The following TAS2R1 variants were observed in gnomAD, a reference collection of about 807,000 sequenced individuals.
TAS2R1 encodes the protein taste receptor type 2 member 1.
For missense variants in TAS2R1, 370 were observed against 353.4 expected (o/e 1.05, Z -0.38); for synonymous variants, 141 against 134.2 (o/e 1.05, Z -0.35).
chr5:9,850,198 G>C, the TAS2R1 span, among the ~76,000 whole-genome samples: 4 of 152,066 alleles, frequency 2.6e-5, no homozygotes, highest in Non-Finnish European at 5.9e-5. Flanking sequence ...GCACATCTCT[G>C]TGGCTTTGGT....
At chr5:9,804,576 C>A in the TAS2R1 span, among the ~76,000 whole-genome samples, 1 of 151,968 alleles carries the variant, frequency 6.6e-6, no homozygotes, top group African/African-American at 2.4e-5. Flanking sequence ...AAATTGGAAA[C>A]AAACTCCGAA....
At chr5:9,677,968 G>C (rs776142332) in intron 1 of TAS2R1, among the ~76,000 whole-genome samples, 9 of 152,164 alleles carry the variant, frequency 5.9e-5, no homozygotes, top group Non-Finnish European at 1.0e-4. Context: ...ATGGGCAGCT[G>C]AGGTGGGAAG....
chr5:9,823,880 A>C, the TAS2R1 span, among the ~76,000 whole-genome samples: 1 of 152,222 alleles, frequency 6.6e-6, no homozygotes, highest in Non-Finnish European at 1.5e-5. Flanking sequence ...CAAATGGTTC[A>C]AAGTGCCACT....
At chr5:9,701,001 A>T (rs1208900079) in intron 1 of TAS2R1, among the ~76,000 whole-genome samples, 1 of 152,142 alleles carries the variant, frequency 6.6e-6, no homozygotes. Context: ...TTTAGTTCAT[A>T]GCATAGAGAA....
chr5:9,775,174 C>G, the TAS2R1 span, among the ~76,000 whole-genome samples: 1 of 152,210 alleles, frequency 6.6e-6, no homozygotes, highest in Non-Finnish European at 1.5e-5. Flanking sequence ...CCTGCCCTCC[C>G]CTTTCTGCAC....
chr5:9,847,244 A>T, the TAS2R1 span, among the ~76,000 whole-genome samples: 1 of 152,232 alleles, frequency 6.6e-6, no homozygotes, highest in Non-Finnish European at 1.5e-5. Context: ...CCATAAGAAA[A>T]TGTTTGTACT....
chr5:9,883,674 CTT>C, the TAS2R1 span, among the ~76,000 whole-genome samples: 1 of 151,772 alleles, frequency 6.6e-6, no homozygotes, highest in African/African-American at 2.4e-5. Context: ...AAGCAGTGAG[CTT>C]TTTTATTTTT....
the TAS2R1 span, among the ~76,000 whole-genome samples, chr5:9,749,552 G>T: frequency 6.6e-6 from 1 of 152,170 alleles, no homozygotes; most frequent in East Asian, 1.9e-4. Context: ...TATAGGTTAG[G>T]CTGAGCCAGG....
the TAS2R1 span, among the ~76,000 whole-genome samples, chr5:9,891,111 T>C: frequency 2.6e-5 from 4 of 152,294 alleles, no homozygotes; most frequent in African/African-American, 7.2e-5. Context: ...AGAGTTTTGA[T>C]ACAGTATCAA....
the TAS2R1 span, among the ~76,000 whole-genome samples, chr5:9,846,061 G>A: frequency 6.6e-6 from 1 of 152,104 alleles, no homozygotes; most frequent in South Asian, 2.1e-4. Flanking sequence ...AGAAAACTGG[G>A]GCAATAAACT....
the TAS2R1 span, among the ~76,000 whole-genome samples, chr5:9,874,676 T>C: frequency 6.6e-6 from 1 of 152,206 alleles, no homozygotes; most frequent in Non-Finnish European, 1.5e-5. Flanking sequence ...ATCCCCGCGC[T>C]ACAGGTCTTT....
the TAS2R1 span, among the ~76,000 whole-genome samples, chr5:9,825,827 T>A: frequency 6.6e-6 from 1 of 152,232 alleles, no homozygotes; most frequent in Non-Finnish European, 1.5e-5. Context: ...TAATCCTATT[T>A]TTTTTGTATA....
At chr5:9,888,221 T>C in the TAS2R1 span, among the ~76,000 whole-genome samples, 1 of 152,068 alleles carries the variant, frequency 6.6e-6, no homozygotes, top group African/African-American at 2.4e-5. Context: ...CCTTCACTGC[T>C]CAGCCCTCTC....
the TAS2R1 span, among the ~76,000 whole-genome samples, chr5:9,880,557 A>G: frequency 6.6e-6 from 1 of 152,192 alleles, no homozygotes; most frequent in Non-Finnish European, 1.5e-5. Flanking sequence ...TGTCCTTCAC[A>G]TTTCTGAATG....
the TAS2R1 span, among the ~76,000 whole-genome samples, chr5:9,775,839 C>T: frequency 6.6e-6 from 1 of 152,190 alleles, no homozygotes; most frequent in Non-Finnish European, 1.5e-5. Context: ...CTTTACTCTC[C>T]CCTCTCCTCA....
At chr5:9,802,747 A>G in the TAS2R1 span, among the ~76,000 whole-genome samples, 2 of 152,010 alleles carry the variant, frequency 1.3e-5, no homozygotes, top group Non-Finnish European at 2.9e-5. Context: ...CTAAAAATAC[A>G]AAAAAATTAG....
At position 9,640,497 on chromosome 5, in the gene TAS2R1, T is replaced by TAAAAAAAAA. The variant is rs56140715; in HGVS notation, c.-80-10514_-80-10506dup. Among the ~76,000 whole-genome samples, 43 of 59,006 alleles carry TAAAAAAAAA rather than the reference T, an allele frequency of 7.3e-4. 1 individual carries two copies. Among genetic ancestry groups the TAAAAAAAAA allele is most frequent in the African/African-American group, 2.5e-3 (30 of 12,086 alleles). The allele number at this position is 59,006 out of a possible 152,430, so 38.7% of individuals were successfully genotyped here. On this transcript the variant is annotated intron_variant, in intron 2 of 2. Transcript: ENST00000506620. ...GAATTGCCACAAACCTTCAATTCCT[T>TAAAAAAAAA]AAAAAAAAAAAAAAAAAAAAAAAAA...
At chr5:9,841,733 G>A in the TAS2R1 span, among the ~76,000 whole-genome samples, 1 of 152,156 alleles carries the variant, frequency 6.6e-6, no homozygotes. Flanking sequence ...TTCCAAGACT[G>A]TGTTTGTAGT....
the TAS2R1 span, among the ~76,000 whole-genome samples, chr5:9,839,644 A>G: frequency 6.6e-6 from 1 of 152,224 alleles, no homozygotes; most frequent in African/African-American, 2.4e-5. Flanking sequence ...TCAATAAAGA[A>G]TGAACAGACA....
Sources: gnomAD v4.1 joint callset for allele counts (sites outside exome capture counted in the v4.1 genomes callset) on GRCh38, gnomAD v4.1.1 for gene constraint, MANE v1.5 for transcripts, NCBI Gene and HGNC (gene_info 2026-07-23, HGNC 2026-07-21) for gene names.